MYO1D: variants seen among roughly 807,000 people sequenced by gnomAD.
MYO1D encodes the protein unconventional myosin-Id.
Under a neutral mutation model 122.0 loss-of-function variants are expected in MYO1D, and 83 were observed. The observed-to-expected ratio is 0.68, with a 90% CI of 0.57 to 0.82. The LOEUF is 0.82. Ranked by LOEUF, MYO1D falls within the 40% of genes least tolerant of loss-of-function variation. The pLI is 0.00. For missense variants in MYO1D, 1,157 were observed against 1,269.5 expected (o/e 0.91, Z 1.35); for synonymous variants, 464 against 446.9 (o/e 1.04, Z -0.48).
At chr17:32,839,319 T>C (rs749885320) in intron 1 of MYO1D, among the ~76,000 whole-genome samples, 3 of 152,124 alleles carry the variant, frequency 2.0e-5, no homozygotes, top group Non-Finnish European at 4.4e-5. Flanking sequence ...AAGAAGTGAA[T>C]AAAGAAAAAA....
intron 1 of MYO1D, among the ~76,000 whole-genome samples, chr17:32,838,601 C>T (rs976035692): frequency 4.0e-5 from 6 of 150,992 alleles, no homozygotes; most frequent in East Asian, 2.0e-4. Flanking sequence ...GTATTAAGGG[C>T]GAGATCACAC....
intron 16 of MYO1D, among the ~76,000 whole-genome samples, chr17:32,695,459 C>T (rs779345182): frequency 1.4e-4 from 22 of 152,198 alleles, no homozygotes; most frequent in Non-Finnish European, 3.2e-4. Flanking sequence ...TCTTAATTGG[C>T]CATCCTTCCT....
chr17:32,867,799 A>G, intron 1 of MYO1D, among the ~76,000 whole-genome samples: 1 of 38,432 alleles, frequency 2.6e-5, no homozygotes, highest in Non-Finnish European at 5.5e-5. Flanking sequence ...ACTCCGTCTC[A>G]AAAAAAAAAA....
chr17:32,524,252 C>T (rs573016478), intron 21 of MYO1D, among the ~76,000 whole-genome samples: 4 of 152,330 alleles, frequency 2.6e-5, no homozygotes, highest in East Asian at 1.9e-4. Flanking sequence ...TTTGGTGGAG[C>T]ATGCTTCCTT....
At chr17:32,562,737 G>A (rs2087137293) in intron 21 of MYO1D, among the ~76,000 whole-genome samples, 1 of 152,108 alleles carries the variant, frequency 6.6e-6, no homozygotes, top group Non-Finnish European at 1.5e-5. Context: ...CAAAGTGCTG[G>A]GATTATAGGC....
At chr17:32,509,105 G>A (rs1909597300) in intron 21 of MYO1D, among the ~76,000 whole-genome samples, 1 of 152,236 alleles carries the variant, frequency 6.6e-6, no homozygotes, top group Non-Finnish European at 1.5e-5. Flanking sequence ...AAGAAGTGAG[G>A]CAAGTGAGGC....
intron 19 of MYO1D, among the ~76,000 whole-genome samples, chr17:32,652,879 C>T (rs1011532131): frequency 7.2e-5 from 11 of 152,320 alleles, no homozygotes; most frequent in African/African-American, 1.9e-4. Context: ...CGGTGGCTCA[C>T]GCCTGTAATC....
At chr17:32,738,227 G>A (rs1283012899) in intron 14 of MYO1D, 26 bp downstream of exon 14, 1 of 1,549,844 alleles carries the variant, frequency 6.5e-7, no homozygotes, top group Non-Finnish European at 8.8e-7. Context: ...GAGTTAAAAT[G>A]GATATTTAGA....
intron 1 of MYO1D, among the ~76,000 whole-genome samples, chr17:32,806,304 A>G (rs1445694984): frequency 1.3e-5 from 2 of 152,040 alleles, no homozygotes; most frequent in African/African-American, 2.4e-5. Flanking sequence ...ATCACACCAT[A>G]CCTAAGGTGT....
At chr17:32,717,476 C>A (rs2089462895) in intron 15 of MYO1D, among the ~76,000 whole-genome samples, 1 of 152,222 alleles carries the variant, frequency 6.6e-6, no homozygotes, top group Non-Finnish European at 1.5e-5. Flanking sequence ...ATATATCCTG[C>A]CACATGTTTC....
At chr17:32,859,045 T>C (rs532162017) in intron 1 of MYO1D, among the ~76,000 whole-genome samples, 1 of 152,204 alleles carries the variant, frequency 6.6e-6, no homozygotes, top group Non-Finnish European at 1.5e-5. Flanking sequence ...TTTCTTTCAG[T>C]GGAGGATGGT....
rs145616981 is a variant in MYO1D, at chr17:32,524,737, A to G, written c.2865-29822T>C. Among the ~76,000 whole-genome samples, 50 of 151,898 alleles carry G rather than the reference A, an allele frequency of 3.3e-4. 1 individual carries two copies. In the East Asian group the frequency reaches 9.7e-3, roughly 29 times the overall value. ...ACCACCATGCCTGGCTGATTTTTGT[A>G]TTTTTAGTAGAGATGGGGTTTCACC... is the stretch of plus-strand genomic sequence containing the variant. On this transcript the variant is annotated intron_variant, in intron 21 of 21. Transcript: ENST00000318217.
chr17:32,872,721 G>A (rs1247707405), intron 1 of MYO1D, among the ~76,000 whole-genome samples: 10 of 142,482 alleles, frequency 7.0e-5, no homozygotes, highest in African/African-American at 2.4e-4. Context: ...ACGGAGTCTC[G>A]CTCTGTCACC....
intron 1 of MYO1D, among the ~76,000 whole-genome samples, chr17:32,810,383 C>G (rs910450820): frequency 1.3e-5 from 2 of 152,102 alleles, no homozygotes; most frequent in African/African-American, 4.8e-5. Context: ...GAGGATTTCC[C>G]CTGGTAATTT....
intron 17 of MYO1D, among the ~76,000 whole-genome samples, chr17:32,655,512 T>C (rs1372598380): frequency 6.6e-6 from 1 of 152,124 alleles, no homozygotes; most frequent in Non-Finnish European, 1.5e-5. Flanking sequence ...TAAGGATAGA[T>C]GAGCAGAGAC....
chr17:32,757,269 G>A (rs900759007), intron 10 of MYO1D, among the ~76,000 whole-genome samples: 2 of 152,026 alleles, frequency 1.3e-5, no homozygotes, highest in African/African-American at 4.8e-5. Context: ...TTTCTGATCT[G>A]TCTAAACTAA....
intron 1 of MYO1D, among the ~76,000 whole-genome samples, chr17:32,863,551 G>GAACCA (rs1254633133): frequency 6.6e-6 from 1 of 152,196 alleles, no homozygotes; most frequent in African/African-American, 2.4e-5. Flanking sequence ...GATAGAAACT[G>GAACCA]AACCATATAT....
chr17:32,529,902 A>G (rs1034543640), intron 21 of MYO1D: 6 of 152,174 alleles, frequency 3.9e-5, no homozygotes, highest in African/African-American at 1.4e-4. Flanking sequence ...TTCCCACTGT[A>G]CCTGGGCTCC....
At chr17:32,549,450 C>T (rs1176935770) in intron 21 of MYO1D, among the ~76,000 whole-genome samples, 1 of 152,154 alleles carries the variant, frequency 6.6e-6, no homozygotes, top group Admixed American at 6.5e-5. Context: ...AGCAGGAATC[C>T]CTGGGCCACC....
Sources: gnomAD v4.1 joint callset for allele counts (sites outside exome capture counted in the v4.1 genomes callset) on GRCh38, gnomAD v4.1.1 for gene constraint, MANE v1.5 for transcripts, NCBI Gene and HGNC (gene_info 2026-07-23, HGNC 2026-07-21) for gene names.